The following IFT88 variants were observed in gnomAD, a reference collection of about 807,000 sequenced individuals.
IFT88 encodes intraflagellar transport protein 88 homolog.
Under a neutral mutation model 119.5 loss-of-function variants are expected in IFT88, and 74 were observed. That is an observed-to-expected ratio of 0.62 (90% CI 0.51 to 0.75). IFT88 has a LOEUF of 0.75. Among genes scored for constraint, IFT88 ranks in the 30% least tolerant of loss-of-function variants. The pLI is 0.00. For synonymous variants in IFT88, 279 were observed against 316.7 expected (o/e 0.88, Z 1.26); for missense variants, 961 against 977.7 (o/e 0.98, Z 0.23).
chr13:20,582,400 GC>G (rs1040447345), intron 2 of IFT88, among the ~76,000 whole-genome samples: 3 of 151,976 alleles, frequency 2.0e-5, no homozygotes, highest in Non-Finnish European at 4.4e-5. Context: ...GACTTGTTGA[GC>G]CCCCCCATTT....
At chr13:20,647,274 A>G (rs939274393) in intron 20 of IFT88, among the ~76,000 whole-genome samples, 3 of 152,132 alleles carry the variant, frequency 2.0e-5, no homozygotes, top group African/African-American at 7.2e-5. Flanking sequence ...TCTATACCAT[A>G]TATCTTAATT....
chr13:20,582,531 G>A (rs1054761476), intron 2 of IFT88, among the ~76,000 whole-genome samples: 14 of 151,868 alleles, frequency 9.2e-5, no homozygotes, highest in African/African-American at 3.1e-4. Context: ...TAGAAAATAT[G>A]GCCTTTTCTA....
At chr13:20,653,548 A>G (rs1042435559) in intron 20 of IFT88, among the ~76,000 whole-genome samples, 1 of 152,194 alleles carries the variant, frequency 6.6e-6, no homozygotes, top group African/African-American at 2.4e-5. Context: ...TGTAAGTATT[A>G]TGATAAAAGA....
chr13:20,674,702 TTATATATATA>T (rs1177876016), intron 24 of IFT88, among the ~76,000 whole-genome samples: 2 of 90,636 alleles, frequency 2.2e-5, no homozygotes, highest in African/African-American at 9.0e-5. Context: ...AACTGAAGTT[TTATATATATA>T]TATATATATA....
chr13:20,660,101 TAAAC>T (rs1217769010), intron 22 of IFT88, among the ~76,000 whole-genome samples: 2 of 152,050 alleles, frequency 1.3e-5, no homozygotes, highest in Non-Finnish European at 2.9e-5. Flanking sequence ...GAAAAGACAA[TAAAC>T]AAATAATGTC....
At chr13:20,648,699 T>A (rs1220439226) in intron 20 of IFT88, among the ~76,000 whole-genome samples, 1 of 152,038 alleles carries the variant, frequency 6.6e-6, no homozygotes, top group East Asian at 1.9e-4. Flanking sequence ...TATAAATTTA[T>A]TAAACTTTCC....
chr13:20,648,446 T>C (rs1279896318), intron 20 of IFT88, among the ~76,000 whole-genome samples: 2 of 152,264 alleles, frequency 1.3e-5, no homozygotes, highest in African/African-American at 4.8e-5. Context: ...AGTGAGATTG[T>C]TATAAGTTTC....
At chr13:20,666,695 A>T (rs1409422110) in intron 23 of IFT88, among the ~76,000 whole-genome samples, 1 of 152,136 alleles carries the variant, frequency 6.6e-6, no homozygotes, top group Non-Finnish European at 1.5e-5. Context: ...AGTGGGAATG[A>T]CATAATATTT....
intron 13 of IFT88, among the ~76,000 whole-genome samples, chr13:20,613,675 CA>C (rs35242365): frequency 0.4 from 61,408 of 151,768 alleles, 14,147 homozygotes; most frequent in Middle Eastern, 0.53. Flanking sequence ...AGAAATAATC[CA>C]AATGTGCAAC....
intron 4 of IFT88, 29 bp from the exon 5 acceptor site, chr13:20,590,938 C>A (rs765562192): frequency 1.3e-6 from 2 of 1,536,330 alleles, no homozygotes; most frequent in Admixed American, 3.8e-5. Context: ...TTTTAGGAAT[C>A]TTTTTAACTT....
At chr13:20,657,666 G>A (rs1337030732) in intron 22 of IFT88, among the ~76,000 whole-genome samples, 3 of 152,060 alleles carry the variant, frequency 2.0e-5, no homozygotes, top group Non-Finnish European at 2.9e-5. Flanking sequence ...AGTGGCTCAC[G>A]CCTGTAATCC....
At chr13:20,621,347 G>A (rs940406068) in intron 14 of IFT88, among the ~76,000 whole-genome samples, 12 of 152,146 alleles carry the variant, frequency 7.9e-5, no homozygotes, top group Admixed American at 3.3e-4. Flanking sequence ...GATTACAGGC[G>A]TGAGCCACCA....
intron 20 of IFT88, among the ~76,000 whole-genome samples, chr13:20,646,810 C>G (rs1000994266): frequency 6.6e-6 from 1 of 151,298 alleles, no homozygotes; most frequent in African/African-American, 2.4e-5. Context: ...TACTAGATTG[C>G]TTAATTGGTC....
At position 20,590,991 on chromosome 13, in the gene IFT88, A is replaced by G. The variant is rs767626107; in HGVS notation, c.235A>G (p.Ile79Val). The change falls in exon 5 of 26, where the codon ATA becomes GTA. Residue 79 changes from isoleucine to valine, a missense_variant. Ile to Val is a conservative substitution (Grantham distance 29). Coordinates refer to ENST00000351808, the MANE Select transcript of IFT88 (RefSeq NM_006531.5). ...YGSKTSLASS[I>V]GRPMTGAIQD... ...GTCCAAGACATCTCTGGCATCATCA[A>G]TAGGAAGACCAATGACAGGGGCTAT... 13 of 1,610,140 alleles carry G rather than the reference A, an allele frequency of 8.1e-6. No homozygotes were observed. The highest frequency in any genetic ancestry group is 1.6e-4 in the Middle Eastern group (1 of 6,070).
intron 24 of IFT88, 36 bp downstream of exon 24, chr13:20,671,075 C>G: frequency 6.4e-7 from 1 of 1,559,468 alleles, no homozygotes; most frequent in Non-Finnish European, 8.8e-7. Context: ...AACTTGGTTT[C>G]CACATTTCTA....
At chr13:20,639,325 TC>T (rs937511278) in intron 17 of IFT88, among the ~76,000 whole-genome samples, 2 of 152,186 alleles carry the variant, frequency 1.3e-5, no homozygotes, top group African/African-American at 2.4e-5. Context: ...AGTCTCTAAG[TC>T]CATGAGAGAG....
Position 20,567,271 on chromosome 13 carries a change from C to G in IFT88, c.-7+15C>G, listed in dbSNP as rs2034995889. On this transcript the variant is annotated intron_variant, in intron 1 of 25. Coordinates refer to ENST00000351808, the MANE Select transcript of IFT88 (RefSeq NM_006531.5). ...CTCAGCGTGAGGTAGGAGAAGGGCG[C>G]TGGGGCCTAGTGCCTCAGGGCCCCT... 1.3e-5 allele frequency: 2 copies of G among 152,282 alleles called. No homozygotes were observed. The highest frequency in any genetic ancestry group is 2.9e-5 in the Non-Finnish European group (2 of 68,082). 9.4% of individuals were successfully genotyped at this position (152,282 alleles called of 1,614,324 possible).
At chr13:20,626,637 C>G (rs925539865) in intron 15 of IFT88, among the ~76,000 whole-genome samples, 2 of 152,136 alleles carry the variant, frequency 1.3e-5, no homozygotes, top group African/African-American at 4.8e-5. Flanking sequence ...GGTTTTAGAA[C>G]CCCGCAGATC....
rs147702145 is a variant in IFT88 at position 20,591,029 on chromosome 13, A to G, written c.264+9A>G. On this transcript the variant is annotated intron_variant, in intron 5 of 25. Transcript: ENST00000351808. ...TGACAGGGGCTATTCAGGTATCTCT[A>G]TTGGATGCATGTTCATTTTGTGCCT... 4.8e-5 allele frequency: 77 copies of G among 1,594,604 alleles called. No individual in the cohort carries two copies. In the East Asian group the frequency reaches 9.2e-4, roughly 19 times the overall value.
Sources: allele counts gnomAD v4.1 joint callset (sites outside exome capture counted in the v4.1 genomes callset), GRCh38; gene constraint gnomAD v4.1.1; transcripts MANE v1.5; gene names NCBI Gene and HGNC (gene_info 2026-07-23, HGNC 2026-07-21).